The following ASIC2 variants were observed in gnomAD, a reference collection of about 807,000 sequenced individuals.
ASIC2 encodes the protein acid sensing ion channel subunit 2.
In ASIC2, 25 loss-of-function variants were observed where a neutral mutation model predicts 57.3. That is an observed-to-expected ratio of 0.44 (90% CI 0.32 to 0.61). The LOEUF (loss-of-function observed/expected upper bound fraction) is 0.61, where lower values mean the gene tolerates loss of function less well. Among genes scored for constraint, ASIC2 ranks in the 20% least tolerant of loss-of-function variants. The pLI, the probability that ASIC2 is intolerant of heterozygous loss-of-function variation, is 0.06. For missense variants in ASIC2, 641 were observed against 738.1 expected (o/e 0.87, Z 1.52); for synonymous variants, 319 against 307.5 (o/e 1.04, Z -0.39).
chr17:34,061,060 G>A (rs1020519330), intron 1 of ASIC2, among the ~76,000 whole-genome samples: 1 of 152,142 alleles, frequency 6.6e-6, no homozygotes, highest in Non-Finnish European at 1.5e-5. Context: ...GTTATCCAAA[G>A]TTAAGATGAA....
At chr17:33,764,068 C>T (rs1376907267) in intron 1 of ASIC2, among the ~76,000 whole-genome samples, 3 of 152,134 alleles carry the variant, frequency 2.0e-5, no homozygotes, top group South Asian at 2.1e-4. Flanking sequence ...CCGAGGCAGG[C>T]GGATCACGAG....
chr17:33,435,308 GA>G (rs965692714), intron 1 of ASIC2, among the ~76,000 whole-genome samples: 17 of 152,234 alleles, frequency 1.1e-4, no homozygotes, highest in African/African-American at 3.9e-4. Context: ...TCTGAGGCCA[GA>G]AATGCACAAT....
intron 1 of ASIC2, among the ~76,000 whole-genome samples, chr17:33,899,546 G>A (rs1915185881): frequency 6.6e-6 from 1 of 152,174 alleles, no homozygotes; most frequent in African/African-American, 2.4e-5. Context: ...GCCTACAGGA[G>A]GAAGCCAGAG....
Position 34,156,408 on chromosome 17 carries a change from C to T in ASIC2, c.125G>A (p.Arg42His), listed in dbSNP as rs757890972. The change falls in exon 1 of 10, where the codon CGT (arginine) becomes CAT (histidine). Residue 42 changes from arginine to histidine, a missense_variant. By Grantham distance (29) the Arg-to-His change is conservative. Coordinates refer to the ASIC2 transcript ENST00000359872. This position sits in a 1 kb window ranked among gnomAD's most constrained non-coding sequence, Gnocchi z 4.4. Reference sequence around the variant, plus strand: ...CACGAAGGCCACTGCCCACAGCACACGCCGGATGGTCAGCGGCCCATACAC... The same window carrying T: ...CACGAAGGCCACTGCCCACAGCACATGCCGGATGGTCAGCGGCCCATACAC... The T allele has an allele frequency of 1.2e-6, 2 of 1,614,178 alleles. No homozygotes were observed. The highest frequency in any genetic ancestry group is 1.3e-5 in the African/African-American group (1 of 75,066).
intron 1 of ASIC2, among the ~76,000 whole-genome samples, chr17:33,307,890 A>G (rs1443968662): frequency 6.6e-6 from 1 of 152,232 alleles, no homozygotes; most frequent in Admixed American, 6.5e-5. Flanking sequence ...TTTGTTGAAT[A>G]ATAAATGGTG....
chr17:34,131,796 A>G (rs1005192206), intron 1 of ASIC2, among the ~76,000 whole-genome samples: 5 of 152,166 alleles, frequency 3.3e-5, no homozygotes, highest in African/African-American at 1.2e-4. Context: ...CCCCTGTCCA[A>G]ATGGGACCAG....
chr17:33,411,231 T>C (rs1479081688), intron 1 of ASIC2, among the ~76,000 whole-genome samples: 1 of 152,172 alleles, frequency 6.6e-6, no homozygotes, highest in Non-Finnish European at 1.5e-5. Flanking sequence ...CTCCTCAGAA[T>C]CCTCATTAGA....
intron 1 of ASIC2, among the ~76,000 whole-genome samples, chr17:33,637,728 C>CT (rs1906417127): frequency 6.6e-6 from 1 of 152,230 alleles, no homozygotes; most frequent in African/African-American, 2.4e-5. Context: ...AATTACCTGA[C>CT]TACCTGACTG....
chr17:33,837,649 C>G (rs1171324766), intron 1 of ASIC2, among the ~76,000 whole-genome samples: 1 of 152,182 alleles, frequency 6.6e-6, no homozygotes, highest in East Asian at 1.9e-4. Context: ...GCATAGTAGT[C>G]TATTGTCTGC....
intron 1 of ASIC2, among the ~76,000 whole-genome samples, chr17:33,788,927 A>C (rs1911685204): frequency 6.6e-6 from 1 of 152,234 alleles, no homozygotes; most frequent in Non-Finnish European, 1.5e-5. Context: ...AGGGGAGAGA[A>C]CTTAGATGAT....
chr17:34,076,945 A>C (rs1393215229), intron 1 of ASIC2, among the ~76,000 whole-genome samples: 1 of 152,168 alleles, frequency 6.6e-6, no homozygotes, highest in African/African-American at 2.4e-5. Flanking sequence ...CAAGATCAGC[A>C]CCTGCCATGG....
At chr17:33,121,721 C>T (rs1312470573) in intron 1 of ASIC2, among the ~76,000 whole-genome samples, 1 of 152,046 alleles carries the variant, frequency 6.6e-6, no homozygotes, top group Admixed American at 6.5e-5. Flanking sequence ...TGTAGAAGAA[C>T]ACTGACCGTG....
chr17:33,681,702 C>T (rs1480822158), intron 1 of ASIC2, among the ~76,000 whole-genome samples: 4 of 152,312 alleles, frequency 2.6e-5, no homozygotes, highest in South Asian at 2.1e-4. Context: ...TTCACCTGGT[C>T]GGCTCTAGTC....
intron 1 of ASIC2, among the ~76,000 whole-genome samples, chr17:33,734,796 G>A (rs1441794749): frequency 6.6e-6 from 1 of 152,114 alleles, no homozygotes; most frequent in Non-Finnish European, 1.5e-5. Context: ...TGCCAGCCAA[G>A]GAGAGAGGTC....
At chr17:33,127,057 G>C (rs963706675) in intron 1 of ASIC2, among the ~76,000 whole-genome samples, 1 of 150,560 alleles carries the variant, frequency 6.6e-6, no homozygotes. Flanking sequence ...TTTTAGTAGA[G>C]ACGGGGTTTC....
At chr17:33,294,152 T>A (rs1905625588), upstream of ASIC2, among the ~76,000 whole-genome samples, 1 of 152,132 alleles carries the variant, frequency 6.6e-6, no homozygotes, top group Non-Finnish European at 1.5e-5. Flanking sequence ...GACTCCATCT[T>A]TCCCATTCCC....
At chr17:34,106,854 T>C (rs987545085) in intron 1 of ASIC2, among the ~76,000 whole-genome samples, 4 of 152,150 alleles carry the variant, frequency 2.6e-5, no homozygotes, top group African/African-American at 9.7e-5. Flanking sequence ...CCTAGTTTCT[T>C]TAATTGAGAA....
chr17:33,108,880 C>T (rs951971390), intron 2 of ASIC2, among the ~76,000 whole-genome samples: 5 of 151,158 alleles, frequency 3.3e-5, no homozygotes, highest in African/African-American at 9.7e-5. Flanking sequence ...TAGTATGACC[C>T]GAGGAATATG....
intron 1 of ASIC2, among the ~76,000 whole-genome samples, chr17:33,593,684 T>A (rs1287708764): frequency 6.6e-6 from 1 of 152,216 alleles, no homozygotes; most frequent in East Asian, 1.9e-4. Context: ...GCACTTCATC[T>A]GAATAAGTGT....
Sources: allele counts gnomAD v4.1 joint callset (sites outside exome capture counted in the v4.1 genomes callset), GRCh38; gene constraint gnomAD v4.1.1; non-coding constraint Gnocchi (gnomAD v3.1); transcripts MANE v1.5; gene names NCBI Gene and HGNC (gene_info 2026-07-23, HGNC 2026-07-21).